SLC9C2: variants seen among roughly 807,000 people sequenced by gnomAD.
SLC9C2 encodes the protein solute carrier family 9 member C2 (putative).
SLC9C2 carries 75 observed loss-of-function variants against 140.2 expected under a neutral mutation model. That is an observed-to-expected ratio of 0.53 (90% CI 0.44 to 0.65). The LOEUF is 0.65. Among genes scored for constraint, SLC9C2 ranks in the 30% least tolerant of loss-of-function variants. The pLI, the probability that SLC9C2 is intolerant of heterozygous loss-of-function variation, is 0.00. For missense variants in SLC9C2, 1,074 were observed against 1,331.8 expected (o/e 0.81, Z 3.01); for synonymous variants, 375 against 420.9 (o/e 0.89, Z 1.34).
In SLC9C2 at chr1:173,554,802, CATAGAGT is replaced by C. The variant is rs1663557074; in HGVS notation, c.1221_1227del (p.Ile407MetfsTer4). 5 of 1,590,838 alleles carry C rather than the reference CATAGAGT, an allele frequency of 3.1e-6. No homozygotes were observed. The highest frequency in any genetic ancestry group is 1.7e-5 in the Admixed American group (1 of 59,716). Reference sequence around the variant, plus strand: ...ATTGTCAATAATGATATTACTTGTACATAGAGTATAAACTAAAAACAAAGCACATAAA... The same window carrying C: ...ATTGTCAATAATGATATTACTTGTACATAAACTAAAAACAAAGCACATAAA... On this transcript the variant is annotated frameshift_variant, in exon 11 of 28. Coordinates refer to ENST00000367714, the MANE Select transcript of SLC9C2 (RefSeq NM_178527.4). LOFTEE classifies it high-confidence loss of function.
At chr1:173,594,227 A>G (rs984584023) in intron 4 of SLC9C2, among the ~76,000 whole-genome samples, 6 of 152,202 alleles carry the variant, frequency 3.9e-5, no homozygotes, top group African/African-American at 1.4e-4. Flanking sequence ...AGATAGGAGT[A>G]AGTTCTAGTG....
intron 21 of SLC9C2, among the ~76,000 whole-genome samples, chr1:173,521,885 CAAAAAAAAAAA>C (rs58355008): frequency 1.3e-5 from 1 of 76,948 alleles, no homozygotes; most frequent in Non-Finnish European, 2.5e-5. Context: ...GGGCGCTATG[CAAAAAAAAAAA>C]AAAAAAAAAA....
At chr1:173,519,539 C>T (rs1045021022) in intron 22 of SLC9C2, among the ~76,000 whole-genome samples, 1 of 152,182 alleles carries the variant, frequency 6.6e-6, no homozygotes, top group Non-Finnish European at 1.5e-5. Flanking sequence ...CAAAAAAGTA[C>T]TAATATAACC....
chr1:173,574,573 C>T (rs985045731), intron 8 of SLC9C2, among the ~76,000 whole-genome samples: 61 of 136,262 alleles, frequency 4.5e-4, no homozygotes, highest in African/African-American at 1.7e-3. Flanking sequence ...GCAAGTGGTG[C>T]GATCTCGGCT....
At chr1:173,587,927 G>T in intron 4 of SLC9C2, 97 bp from the exon 5 acceptor site, 1 of 909,774 alleles carries the variant, frequency 1.1e-6, no homozygotes, top group Non-Finnish European at 1.6e-6. Flanking sequence ...GGTTGTAAAT[G>T]TTATACAATT....
At chr1:173,506,467 A>T (rs1228125415) in intron 25 of SLC9C2, among the ~76,000 whole-genome samples, 1 of 152,234 alleles carries the variant, frequency 6.6e-6, no homozygotes, top group African/African-American at 2.4e-5. Flanking sequence ...CAACAAAGTG[A>T]TGTGGCCCCT....
chr1:173,506,602 C>T (rs924612314), intron 25 of SLC9C2, among the ~76,000 whole-genome samples: 3 of 152,204 alleles, frequency 2.0e-5, no homozygotes, highest in African/African-American at 7.2e-5. Flanking sequence ...CACAGCCCCA[C>T]GCCAGGGCAA....
chr1:173,522,354 C>T (rs1660888216), intron 21 of SLC9C2, among the ~76,000 whole-genome samples: 1 of 152,104 alleles, frequency 6.6e-6, no homozygotes, highest in Admixed American at 6.5e-5. Context: ...GAGTTGAAGA[C>T]CTCCAGGGCA....
intron 14 of SLC9C2, among the ~76,000 whole-genome samples, chr1:173,536,619 A>G (rs1330937961): frequency 1.3e-5 from 2 of 152,322 alleles, no homozygotes; most frequent in East Asian, 3.9e-4. Flanking sequence ...CAAAATAATT[A>G]TAATAGTTAT....
intron 4 of SLC9C2, 106 bp from the exon 5 acceptor site, chr1:173,587,936 T>A: frequency 1.2e-6 from 1 of 835,402 alleles, no homozygotes; most frequent in East Asian, 2.6e-5. Context: ...TGTTATACAA[T>A]TACCCTGGAA....
At chr1:173,519,949 C>T (rs1000330433) in intron 22 of SLC9C2, among the ~76,000 whole-genome samples, 1 of 152,042 alleles carries the variant, frequency 6.6e-6, no homozygotes, top group East Asian at 1.9e-4. Flanking sequence ...AGGAGTTCAA[C>T]ACCAGCCTAG....
intron 15 of SLC9C2, among the ~76,000 whole-genome samples, chr1:173,534,986 A>G (rs1319991509): frequency 6.6e-6 from 1 of 152,038 alleles, no homozygotes; most frequent in Admixed American, 6.5e-5. Flanking sequence ...TTTAGAGGAA[A>G]ACAAATTACA....
chr1:173,560,859 T>C (rs61828891), intron 9 of SLC9C2, among the ~76,000 whole-genome samples: 3 of 152,096 alleles, frequency 2.0e-5, no homozygotes, highest in African/African-American at 7.2e-5. Flanking sequence ...TGCAGTGGAG[T>C]GATCTTGGCT....
At chr1:173,538,100 G>A (rs1391203667) in intron 13 of SLC9C2, among the ~76,000 whole-genome samples, 1 of 152,176 alleles carries the variant, frequency 6.6e-6, no homozygotes, top group Non-Finnish European at 1.5e-5. Flanking sequence ...TTTTCCAGAA[G>A]ACAGAAAAAT....
At chr1:173,568,199 G>A (rs1346965666) in intron 9 of SLC9C2, among the ~76,000 whole-genome samples, 2 of 151,988 alleles carry the variant, frequency 1.3e-5, no homozygotes, top group African/African-American at 4.8e-5. Context: ...GTGTCACAGG[G>A]GTTTGTTGTA....
At chr1:173,543,182 G>A (rs967841311) in intron 13 of SLC9C2, among the ~76,000 whole-genome samples, 1 of 150,842 alleles carries the variant, frequency 6.6e-6, no homozygotes, top group African/African-American at 2.5e-5. Flanking sequence ...AAATCAATGT[G>A]CAAAAATCAC....
chr1:173,588,237 C>A (rs1665969268), intron 4 of SLC9C2, among the ~76,000 whole-genome samples: 1 of 152,020 alleles, frequency 6.6e-6, no homozygotes, highest in Non-Finnish European at 1.5e-5. Flanking sequence ...ACAGAAAATG[C>A]CCCCCTTTAC....
intron 23 of SLC9C2, among the ~76,000 whole-genome samples, chr1:173,512,341 G>A (rs370741967): frequency 2.0e-5 from 3 of 152,102 alleles, no homozygotes; most frequent in Non-Finnish European, 4.4e-5. Flanking sequence ...GGAGTGGCTT[G>A]TAGTTCTCCT....
At chr1:173,588,026 T>C (rs1159923865) in intron 4 of SLC9C2, among the ~76,000 whole-genome samples, 196 bp from the exon 5 acceptor site, 3 of 152,224 alleles carry the variant, frequency 2.0e-5, no homozygotes, top group African/African-American at 7.2e-5. Context: ...TTCTACCTTA[T>C]TATTAAAAAG....
Sources: gnomAD v4.1 joint callset for allele counts (sites outside exome capture counted in the v4.1 genomes callset) on GRCh38, gnomAD v4.1.1 for gene constraint, MANE v1.5 for transcripts, NCBI Gene and HGNC (gene_info 2026-07-23, HGNC 2026-07-21) for gene names.